The following NFE2L1 variants were observed in gnomAD, a reference collection of about 807,000 sequenced individuals.
NFE2L1 encodes NFE2 like bZIP transcription factor 1, also known as endoplasmic reticulum membrane sensor NFE2L1.
NFE2L1 carries 18 observed loss-of-function variants against 61.6 expected under a neutral mutation model. That is an observed-to-expected ratio of 0.29 (90% CI 0.20 to 0.43). NFE2L1 has a LOEUF of 0.43. NFE2L1 is among the 20% of genes least tolerant of loss of function. The pLI is 1.00. For synonymous variants in NFE2L1, 419 were observed against 402.7 expected, an observed-to-expected ratio of 1.04 and a Z score of -0.48; for missense variants, 827 against 973.5, an observed-to-expected ratio of 0.85 and a Z score of 2.00.
At chr17:48,054,545 C>G in intron 2 of NFE2L1, 1 of 1,190,438 alleles carries the variant, frequency 8.4e-7, no homozygotes, top group Non-Finnish European at 1.0e-6. Flanking sequence ...CGCAGCCCAG[C>G]TGCTGACCTG....
At position 48,060,163 on chromosome 17, in the gene NFE2L1, A is replaced by G. The variant is rs1256551472; in HGVS notation, c.*522A>G. The G allele has an allele frequency of 7.6e-5, 1 of 13,206 alleles. No individual in the cohort carries two copies. Among genetic ancestry groups the G allele is most frequent in the East Asian group, 1.4e-3 (1 of 726 alleles). 0.8% of individuals were successfully genotyped at this position (13,206 alleles called of 1,614,324 possible). On this transcript the variant is annotated 3_prime_UTR_variant, in exon 6 of 6. Transcript: ENST00000362042. ...TGGGCCTAGATCACTGGTGTGATAA[A>G]CCCCAATTTTCACCCCGGGGGGGGT...
chr17:48,054,980 T>C, intron 2 of NFE2L1: 1 of 1,489,688 alleles, frequency 6.7e-7, no homozygotes, highest in Non-Finnish European at 8.9e-7. Context: ...CCTGTCCGGC[T>C]TCCCGGCACC....
rs78510601 is a variant in NFE2L1, at chr17:48,057,439, G to A, written c.909G>A (p.Gly303=). The change falls in exon 5 of 6, where the codon GGG becomes GGA. Residue 303 remains glycine, a synonymous_variant. Coordinates refer to ENST00000362042, the MANE Select transcript of NFE2L1 (RefSeq NM_003204.3). ...QNNLLSPLLT[G]TESPFDLEQQ... ...ACCTCTTGTCTCCTCTTCTGACCGG[G>A]ACAGAGTCACCATTTGATTTGGAAC... The A allele has an allele frequency of 5.1e-4, 817 of 1,614,176 alleles. 6 individuals carry two copies. The East Asian group carries it at 0.013, about 26-fold the overall frequency.
Position 48,050,815 on chromosome 17 carries a change from A to G in NFE2L1, c.-304A>G, listed in dbSNP as rs951367680. 6.8e-6 allele frequency: 4 copies of G among 591,264 alleles called. No individual in the cohort carries two copies. Among genetic ancestry groups the G allele is most frequent in the Non-Finnish European group, 1.2e-5 (4 of 332,520 alleles). 36.6% of individuals were successfully genotyped at this position (591,264 alleles called of 1,614,324 possible). A position where few individuals can be genotyped will look rare whatever the true frequency, so the allele number is the denominator to read the frequency against. ...GGAAGTGACTGTATGTGGACTGTGG[A>G]GAAAGTAAGTCACGTGGGCCCTTGA... On this transcript the variant is annotated 5_prime_UTR_variant, in exon 2 of 6. Coordinates refer to ENST00000362042, the MANE Select transcript of NFE2L1 (RefSeq NM_003204.3).
Position 48,056,600 on chromosome 17 carries a change from TAC to T in NFE2L1, c.723+3_723+4del, listed in dbSNP as rs767513633. 1.9e-6 allele frequency: 3 copies of T among 1,612,422 alleles called. No homozygotes were observed. Among genetic ancestry groups the T allele is most frequent in the South Asian group, 2.2e-5 (2 of 91,036 alleles). Reference sequence around the variant, plus strand: ...ACTGGGGAGAGCTTCCCTGCACAGGTACCATCGCCCCTGCTCACTGGGCTCTC... The same window carrying T: ...ACTGGGGAGAGCTTCCCTGCACAGGTCATCGCCCCTGCTCACTGGGCTCTC... On this transcript the variant is annotated splice_donor_region_variant and intron_variant, in intron 3 of 5. Transcript: ENST00000362042.
rs777620168 is a variant in NFE2L1 at position 48,057,233 on chromosome 17, G to C, written c.814-111G>C. On this transcript the variant is annotated intron_variant, in intron 4 of 5. Coordinates refer to ENST00000362042, the MANE Select transcript of NFE2L1 (RefSeq NM_003204.3). The stretch of plus-strand genomic sequence containing the variant: ...GGTTCTGGCCTTATTCTGGCTGCTG[G>C]GGGTAAATGCAGAGGAAGGAAGAAC... 3 of 1,588,228 alleles carry C rather than the reference G, an allele frequency of 1.9e-6. No homozygotes were observed. In the African/African-American group the frequency reaches 4.1e-5, roughly 22 times the overall value.
chr17:48,049,259 A>G (rs1339487110), intron 1 of NFE2L1: 1 of 152,314 alleles, frequency 6.6e-6, no homozygotes, highest in Non-Finnish European at 1.5e-5. Flanking sequence ...GAACGTGGCC[A>G]TATCCTTCTG....
chr17:48,054,706 C>T lies in NFE2L1; in HGVS notation c.511-1680C>T, dbSNP rs2037347185. 5 of 1,294,816 alleles carry T rather than the reference C, an allele frequency of 3.9e-6. No individual in the cohort carries two copies. The East Asian group carries it at 1.6e-4, about 40-fold the overall frequency. The allele number at this position is 1,294,816 out of a possible 1,614,324, so 80.2% of individuals were successfully genotyped here. ...GGCCCAGGAGGGAGCTTGCTTTCCT[C>T]TGCAGCTTGAGCACGGAGCATGGGG... On this transcript the variant is annotated intron_variant, in intron 2 of 5. Coordinates refer to ENST00000362042, the MANE Select transcript of NFE2L1 (RefSeq NM_003204.3).
In NFE2L1 at chr17:48,059,097, C is replaced by G; in HGVS notation, c.1775C>G (p.Pro592Arg). 6.2e-7 allele frequency: 1 copy of G among 1,614,116 alleles called. No homozygotes were observed. Among genetic ancestry groups the G allele is most frequent in the Non-Finnish European group, 8.5e-7 (1 of 1,180,032 alleles). ...CTGGACTCAGCCGACCTGCCACCACCCAGTGCCCTCAAGAAAGGCAGCAAG... is the reference window on the plus strand; with the variant it reads ...CTGGACTCAGCCGACCTGCCACCACGCAGTGCCCTCAAGAAAGGCAGCAAG... ...SALDSADLPPPSALKKGSKEK... is the reference protein window; with the variant it reads ...SALDSADLPPRSALKKGSKEK... The change falls in exon 6 of 6, where the codon CCC becomes CGC. Residue 592 changes from proline to arginine, a missense_variant. Coordinates refer to ENST00000362042, the MANE Select transcript of NFE2L1 (RefSeq NM_003204.3). This position sits in a 1 kb window ranked among gnomAD's most constrained non-coding sequence, Gnocchi z 6.1.
intron 5 of NFE2L1, 82 bp from the exon 6 acceptor site, chr17:48,058,213 C>T (rs1181993425): frequency 2.7e-6 from 4 of 1,498,878 alleles, no homozygotes; most frequent in Admixed American, 4.6e-5. Context: ...GCAGCTGTGC[C>T]TCTGTTGGGT....
Position 48,051,016 on chromosome 17 carries a change from T to G in NFE2L1, c.-103T>G, listed in dbSNP as rs527436735. ...CAGGGTGGGGTACGGGGTTTGACAC[T>G]GAGGAGGGTAACCTGCTGGCTGGAG... On this transcript the variant is annotated 5_prime_UTR_variant, in exon 2 of 6. Transcript: ENST00000362042. 99 of 1,446,390 alleles carry G rather than the reference T, an allele frequency of 6.8e-5. 2 individuals are homozygous for G. The South Asian group carries it at 1.2e-3, about 17-fold the overall frequency. The allele number at this position is 1,446,390 out of a possible 1,614,324, so 89.6% of individuals were successfully genotyped here. A position where few individuals can be genotyped will look rare whatever the true frequency, so the allele number is the denominator to read the frequency against.
Position 48,054,704 on chromosome 17 carries a change from C to T in NFE2L1, c.511-1682C>T, listed in dbSNP as rs2067821082. 3 of 1,294,234 alleles carry T rather than the reference C, an allele frequency of 2.3e-6. No individual in the cohort carries two copies. The South Asian group carries it at 7.2e-5, about 31-fold the overall frequency. The allele number at this position is 1,294,234 out of a possible 1,614,324, so 80.2% of individuals were successfully genotyped here. On this transcript the variant is annotated intron_variant, in intron 2 of 5. Coordinates refer to ENST00000362042, the MANE Select transcript of NFE2L1 (RefSeq NM_003204.3). ...TAGGCCCAGGAGGGAGCTTGCTTTC[C>T]TCTGCAGCTTGAGCACGGAGCATGG...
At chr17:48,054,384 G>C (rs926698509) in intron 2 of NFE2L1, 4 of 218,740 alleles carry the variant, frequency 1.8e-5, no homozygotes, top group Non-Finnish European at 3.5e-5. Context: ...TTCTCCAGCT[G>C]CCCTGATGCA....
In NFE2L1 at chr17:48,058,444, C is replaced by G. The variant is rs1228646784; in HGVS notation, c.1122C>G (p.Asp374Glu). The G allele has an allele frequency of 1.1e-5, 18 of 1,614,172 alleles. No homozygotes were observed. Among genetic ancestry groups the G allele is most frequent in the Non-Finnish European group, 1.5e-5 (18 of 1,180,022 alleles). ...HQASLGGCSQDFLLFSPEVES... is the reference protein window; with the variant it reads ...HQASLGGCSQEFLLFSPEVES... Reference sequence around the variant, plus strand: ...CGTCCCTGGGGGGCTGCAGCCAGGACTTCTTACTCTTCAGCCCCGAGGTGG... The same window carrying G: ...CGTCCCTGGGGGGCTGCAGCCAGGAGTTCTTACTCTTCAGCCCCGAGGTGG... Residue 374 changes from aspartate to glutamate, a missense_variant, in exon 6 of 6, where the codon GAC (aspartate) becomes GAG (glutamate). This residue lies in a region of NFE2L1 where 667 missense variants were observed against 748.4 expected (regional missense o/e 0.89). Transcript: ENST00000362042.
rs2037521963 is a variant in NFE2L1 at position 48,060,208 on chromosome 17, T to TGGG, written c.*570_*572dup. 6.8e-5 allele frequency: 4 copies of TGGG among 59,172 alleles called. No individual in the cohort carries two copies. Among genetic ancestry groups the TGGG allele is most frequent in the African/African-American group, 2.6e-4 (4 of 15,210 alleles). The allele number at this position is 59,172 out of a possible 1,614,324, so 3.7% of individuals were successfully genotyped here. On this transcript the variant is annotated 3_prime_UTR_variant, in exon 6 of 6. Coordinates refer to ENST00000362042, the MANE Select transcript of NFE2L1 (RefSeq NM_003204.3). Reference sequence around the variant, plus strand: ...GGGGGTGGGGTACACAGACACAGGGTGGGGGTGGGGAGGGACGGTGTTAAC... The same window carrying TGGG: ...GGGGGTGGGGTACACAGACACAGGGTGGGGGGGGTGGGGAGGGACGGTGTTAAC...
At chr17:48,054,429 G>T in intron 2 of NFE2L1, 1 of 331,720 alleles carries the variant, frequency 3.0e-6, no homozygotes, top group Non-Finnish European at 5.1e-6. Flanking sequence ...GGTAACAGGC[G>T]GTGGGAGGGG....
intron 1 of NFE2L1, chr17:48,048,815 A>C (rs990248786): frequency 6.6e-6 from 1 of 152,670 alleles, no homozygotes. Flanking sequence ...GGAGGCTAGA[A>C]GCTCCGGCGC....
At chr17:48,053,261 T>C (rs1315826619) in intron 2 of NFE2L1, among the ~76,000 whole-genome samples, 1 of 152,200 alleles carries the variant, frequency 6.6e-6, no homozygotes, top group Non-Finnish European at 1.5e-5. Flanking sequence ...ACTTTGACCC[T>C]GCTTTCCTCT....
intron 2 of NFE2L1, chr17:48,054,877 G>A: frequency 7.3e-7 from 1 of 1,361,532 alleles, no homozygotes; most frequent in Non-Finnish European, 9.4e-7. Context: ...CAGCAGCACG[G>A]GCGGGGCACC....
Sources: allele counts gnomAD v4.1 joint callset (sites outside exome capture counted in the v4.1 genomes callset), GRCh38; gene constraint gnomAD v4.1.1; regional missense constraint gnomAD v4.1.1; non-coding constraint Gnocchi (gnomAD v3.1); transcripts MANE v1.5; gene names NCBI Gene and HGNC (gene_info 2026-07-23, HGNC 2026-07-21).